Variants in ADCY8 observed in about 807,000 individuals in gnomAD.
ADCY8 encodes adenylate cyclase type 8.
A neutral mutation model predicts 119.7 loss-of-function variants in ADCY8; 51 were observed. That is an observed-to-expected ratio of 0.43 (90% CI 0.34 to 0.54). The LOEUF is 0.54. Among genes scored for constraint, ADCY8 ranks in the 20% least tolerant of loss-of-function variants. ADCY8 has a pLI of 0.03. For synonymous variants in ADCY8, 665 were observed against 651.0 expected (o/e 1.02, Z -0.33); for missense variants, 1,383 against 1,598.8 (o/e 0.87, Z 2.30).
intron 11 of ADCY8, among the ~76,000 whole-genome samples, chr8:130,844,156 G>A (rs1467355434): frequency 6.6e-6 from 1 of 152,160 alleles, no homozygotes; most frequent in Non-Finnish European, 1.5e-5. Context: ...TAATAAAGGG[G>A]CGTAATTCTA....
At chr8:130,818,320 C>G (rs993750794) in intron 13 of ADCY8, among the ~76,000 whole-genome samples, 1 of 152,172 alleles carries the variant, frequency 6.6e-6, no homozygotes, top group African/African-American at 2.4e-5. Context: ...CCTCATTATT[C>G]TCTTTCTCCT....
chr8:130,801,125 T>C (rs1431411385), intron 14 of ADCY8, among the ~76,000 whole-genome samples: 1 of 152,250 alleles, frequency 6.6e-6, no homozygotes, highest in East Asian at 1.9e-4. Context: ...TGGAATGTGA[T>C]GACTGAAAAT....
rs566133463 is a variant in ADCY8 at position 130,821,084 on chromosome 8, A to G, written c.2754+258T>C. 4.6e-5 allele frequency among the ~76,000 whole-genome samples: 7 copies of G among 152,326 alleles called. No individual in the cohort carries two copies. The South Asian group carries it at 1.5e-3, about 32-fold the overall frequency. ...ATTGGGAGGGATCCCAGTTTGTCTT[A>G]GGCAGAAATTGAAAGCTCTTTCACT... On this transcript the variant is annotated intron_variant, in intron 13 of 17. Coordinates refer to ENST00000286355, the MANE Select transcript of ADCY8 (RefSeq NM_001115.3).
chr8:130,849,594 A>G lies in ADCY8; in HGVS notation c.2412+8T>C, dbSNP rs762185723. The G allele has an allele frequency of 5.0e-6, 8 of 1,613,768 alleles. No homozygotes were observed. The highest frequency in any genetic ancestry group is 6.8e-6 in the Non-Finnish European group (8 of 1,179,754). ...ACACCAGAGGGTTGGTGGATGTGGG[A>G]TGCTTACGATATTTAAGATGGCACC... On this transcript the variant is annotated splice_region_variant and intron_variant, in intron 10 of 17. Transcript: ENST00000286355.
chr8:130,807,983 C>CAAAAAAAAAAAAAAA (rs752321769), intron 14 of ADCY8, among the ~76,000 whole-genome samples: 13 of 47,238 alleles, frequency 2.8e-4, no homozygotes, highest in Admixed American at 4.1e-4. Context: ...GACTCCGTCT[C>CAAAAAAAAAAAAAAA]AAAAAAAAAA....
chr8:130,861,511 TGAC>T (rs761543426), intron 9 of ADCY8, among the ~76,000 whole-genome samples: 2 of 152,180 alleles, frequency 1.3e-5, no homozygotes, highest in Non-Finnish European at 2.9e-5. Flanking sequence ...GGAAAACAAT[TGAC>T]TTTTGTATAT....
chr8:130,867,876 G>C lies in ADCY8; in HGVS notation c.2180C>G (p.Thr727Arg). Residue 727 changes from threonine (T) to arginine (R), a missense_variant, in exon 9 of 18, where the codon ACG becomes AGG. Physicochemically the swap from Thr to Arg is moderately conservative, Grantham distance 71. Coordinates refer to ENST00000286355, the MANE Select transcript of ADCY8 (RefSeq NM_001115.3). ...VCAFIVLLFI[T>R]AIQSLLPSSR... ...AGAAGGAAGCAAACTTTGTATTGCC[G>C]TGATAAATAGAAGAACGATAAATGC... The C allele has an allele frequency of 6.2e-7, 1 of 1,611,356 alleles. No homozygotes were observed. Among genetic ancestry groups the C allele is most frequent in the Non-Finnish European group, 8.5e-7 (1 of 1,178,464 alleles).
intron 2 of ADCY8, among the ~76,000 whole-genome samples, chr8:130,965,161 G>A (rs1821724263): frequency 6.6e-6 from 1 of 152,174 alleles, no homozygotes; most frequent in Admixed American, 6.5e-5. Flanking sequence ...TTATTTTGCT[G>A]TATAGAAGCT....
intron 9 of ADCY8, among the ~76,000 whole-genome samples, chr8:130,863,391 G>A (rs1044836419): frequency 7.1e-6 from 1 of 141,456 alleles, no homozygotes; most frequent in Non-Finnish European, 1.6e-5. Flanking sequence ...ATCTATTGGG[G>A]CCTTTTTTTT....
In ADCY8 at chr8:131,003,550, G is replaced by A. The variant is rs116558925; in HGVS notation, c.961-13008C>T. The stretch of plus-strand genomic sequence containing the variant: ...TCTTCAGAAGGGGACTTGGGGGAAC[G>A]TCTGTTTACACACTCCAGCTGTTTT... On this transcript the variant is annotated intron_variant, in intron 1 of 17. Coordinates refer to ENST00000286355, the MANE Select transcript of ADCY8 (RefSeq NM_001115.3). Among the ~76,000 whole-genome samples the A allele has an allele frequency of 1.2e-4, 19 of 152,220 alleles. No individual in the cohort carries two copies. The South Asian group carries it at 3.3e-3, about 27-fold the overall frequency.
chr8:130,823,062 C>T (rs1816569230), intron 12 of ADCY8, among the ~76,000 whole-genome samples: 1 of 152,206 alleles, frequency 6.6e-6, no homozygotes. Flanking sequence ...TCCCAAATCC[C>T]TGCTCTGCCT....
chr8:130,823,174 T>C (rs574586022), intron 12 of ADCY8, among the ~76,000 whole-genome samples: 13 of 152,184 alleles, frequency 8.5e-5, no homozygotes, highest in Admixed American at 3.3e-4. Flanking sequence ...ACCTCTTGAA[T>C]TATTTTGAAA....
intron 1 of ADCY8, among the ~76,000 whole-genome samples, chr8:131,012,334 G>A (rs1235894141): frequency 1.3e-5 from 2 of 152,218 alleles, no homozygotes; most frequent in African/African-American, 4.8e-5. Flanking sequence ...GACCAGCAGA[G>A]GTACTAGTGG....
intron 7 of ADCY8, among the ~76,000 whole-genome samples, chr8:130,896,909 T>C (rs1796904510): frequency 6.6e-6 from 1 of 152,090 alleles, no homozygotes; most frequent in African/African-American, 2.4e-5. Context: ...TTGGAGCCTG[T>C]GTCTGAGGTA....
At chr8:130,973,092 T>C (rs1168432813) in intron 2 of ADCY8, among the ~76,000 whole-genome samples, 2 of 152,218 alleles carry the variant, frequency 1.3e-5, no homozygotes. Context: ...CTTTGACAAG[T>C]CACAACTATC....
intron 5 of ADCY8, among the ~76,000 whole-genome samples, chr8:130,918,832 G>A (rs886288667): frequency 5.9e-5 from 9 of 152,332 alleles, no homozygotes; most frequent in South Asian, 2.1e-4. Flanking sequence ...AGGCCAAGGC[G>A]GGCAGATCGC....
chr8:130,975,314 C>T (rs1208621816), intron 2 of ADCY8, among the ~76,000 whole-genome samples: 2 of 152,210 alleles, frequency 1.3e-5, no homozygotes, highest in Non-Finnish European at 2.9e-5. Context: ...AACATGCGTA[C>T]TTGACTCTGT....
chr8:130,799,990 C>T (rs1266346661), intron 15 of ADCY8, among the ~76,000 whole-genome samples: 1 of 152,220 alleles, frequency 6.6e-6, no homozygotes, highest in Non-Finnish European at 1.5e-5. Flanking sequence ...AAACCGCTAT[C>T]TGTAGTATGT....
At chr8:130,812,693 A>T (rs1006565585) in intron 14 of ADCY8, among the ~76,000 whole-genome samples, 4 of 152,212 alleles carry the variant, frequency 2.6e-5, no homozygotes, top group Admixed American at 2.0e-4. Context: ...GACTGCCTTC[A>T]TAATGTAATA....
Sources: allele counts gnomAD v4.1 joint callset (sites outside exome capture counted in the v4.1 genomes callset), GRCh38; gene constraint gnomAD v4.1.1; transcripts MANE v1.5; gene names NCBI Gene and HGNC (gene_info 2026-07-23, HGNC 2026-07-21).